The following ELOVL6 variants were observed in gnomAD, a reference collection of about 807,000 sequenced individuals.
ELOVL6 encodes the protein very long chain fatty acid elongase 6.
ELOVL6 carries 8 observed loss-of-function variants against 31.7 expected under a neutral mutation model. That is an observed-to-expected ratio of 0.25 (90% CI 0.15 to 0.45). The LOEUF (loss-of-function observed/expected upper bound fraction) is 0.45. Ranked by LOEUF, ELOVL6 falls within the 20% of genes least tolerant of loss-of-function variation. The pLI is 1.00. For missense variants in ELOVL6, 126 were observed against 326.4 expected, an observed-to-expected ratio of 0.39 and a Z score of 4.73; for synonymous variants, 101 against 117.7, an observed-to-expected ratio of 0.86 and a Z score of 0.92.
At chr4:110,197,384 A>T (rs1759839712) in intron 1 of ELOVL6, among the ~76,000 whole-genome samples, 1 of 152,214 alleles carries the variant, frequency 6.6e-6, no homozygotes, top group African/African-American at 2.4e-5. Flanking sequence ...GACTACAGTA[A>T]ACAAGAAAGG....
chr4:110,098,061 G>T (rs530977335), intron 2 of ELOVL6, among the ~76,000 whole-genome samples: 9 of 152,258 alleles, frequency 5.9e-5, no homozygotes, highest in African/African-American at 2.2e-4. Flanking sequence ...CACAATATCT[G>T]ACCTGCATCG....
intron 2 of ELOVL6, among the ~76,000 whole-genome samples, chr4:110,087,470 A>G (rs1396178103): frequency 6.6e-6 from 1 of 152,194 alleles, no homozygotes; most frequent in Non-Finnish European, 1.5e-5. Flanking sequence ...CTACTACAAG[A>G]CTAGAGTCAT....
chr4:110,067,049 T>C (rs1755326299), intron 2 of ELOVL6, among the ~76,000 whole-genome samples: 1 of 152,160 alleles, frequency 6.6e-6, no homozygotes, highest in African/African-American at 2.4e-5. Flanking sequence ...TAGCTAAAAA[T>C]GTATTTTTCA....
chr4:110,135,325 A>T (rs765824545), intron 1 of ELOVL6, among the ~76,000 whole-genome samples: 1 of 152,312 alleles, frequency 6.6e-6, no homozygotes, highest in Admixed American at 6.5e-5. Flanking sequence ...CCATTTGCAG[A>T]TAAAGAAATG....
At chr4:110,074,709 T>C (rs1755582341) in intron 2 of ELOVL6, among the ~76,000 whole-genome samples, 1 of 152,128 alleles carries the variant, frequency 6.6e-6, no homozygotes, top group Admixed American at 6.5e-5. Flanking sequence ...GGGAGTACAG[T>C]GTGCTGTTTT....
intron 1 of ELOVL6, among the ~76,000 whole-genome samples, chr4:110,119,732 T>C (rs1757286945): frequency 6.6e-6 from 1 of 152,174 alleles, no homozygotes; most frequent in African/African-American, 2.4e-5. Flanking sequence ...AAAGACCTTT[T>C]GGGGAAAATC....
At chr4:110,176,208 G>A (rs1020018698) in intron 1 of ELOVL6, among the ~76,000 whole-genome samples, 2 of 151,548 alleles carry the variant, frequency 1.3e-5, no homozygotes, top group Admixed American at 6.6e-5. Flanking sequence ...TGTTGCTCAC[G>A]CTGGAATGCA....
intron 2 of ELOVL6, among the ~76,000 whole-genome samples, chr4:110,073,940 TCTC>T (rs1291289521): frequency 6.6e-6 from 1 of 152,204 alleles, no homozygotes; most frequent in African/African-American, 2.4e-5. Flanking sequence ...TACAGATTTG[TCTC>T]CTCCTTCTCT....
intron 1 of ELOVL6, among the ~76,000 whole-genome samples, chr4:110,159,307 T>C (rs1489364825): frequency 6.6e-6 from 1 of 152,200 alleles, no homozygotes; most frequent in East Asian, 1.9e-4. Flanking sequence ...GGATTTATAG[T>C]ACAAGAGAAC....
chr4:110,116,012 C>T (rs1284797306), intron 1 of ELOVL6, among the ~76,000 whole-genome samples: 1 of 152,122 alleles, frequency 6.6e-6, no homozygotes, highest in African/African-American at 2.4e-5. Context: ...ACTCTGATCC[C>T]CCCAACTCCC....
intron 1 of ELOVL6, among the ~76,000 whole-genome samples, chr4:110,190,503 TTTTTG>T (rs944041735): frequency 7.9e-5 from 12 of 152,252 alleles, no homozygotes; most frequent in Admixed American, 2.0e-4. Flanking sequence ...GGCAATACTT[TTTTTG>T]TTTTGTTTTG....
intron 2 of ELOVL6, among the ~76,000 whole-genome samples, chr4:110,062,310 G>A (rs1755164417): frequency 6.6e-6 from 1 of 152,142 alleles, no homozygotes; most frequent in Admixed American, 6.6e-5. Flanking sequence ...TGAACAATAA[G>A]GCTAACTCAG....
At chr4:110,083,162 A>G (rs1755931962) in intron 2 of ELOVL6, among the ~76,000 whole-genome samples, 2 of 151,820 alleles carry the variant, frequency 1.3e-5, no homozygotes, top group African/African-American at 4.9e-5. Context: ...AATTTTCACA[A>G]AACCCATATT....
At chr4:110,178,558 A>G (rs574009227) in intron 1 of ELOVL6, among the ~76,000 whole-genome samples, 1 of 152,154 alleles carries the variant, frequency 6.6e-6, no homozygotes, top group South Asian at 2.1e-4. Context: ...CCATCTAAAA[A>G]AAAAAAAAGG....
At chr4:110,098,434 T>C (rs1756652007) in intron 2 of ELOVL6, among the ~76,000 whole-genome samples, 1 of 152,192 alleles carries the variant, frequency 6.6e-6, no homozygotes, top group Non-Finnish European at 1.5e-5. Flanking sequence ...TTTATAGCCA[T>C]ACTTTTTATC....
In ELOVL6 at chr4:110,084,566, A is replaced by ATT. The variant is rs1756173431; in HGVS notation, c.221+20930_221+20931insAA. ...CACACACACACACACACACACAGAT[A>ATT]TATATATATATATATATATATATTT... On this transcript the variant is annotated intron_variant, in intron 2 of 3. Coordinates refer to ENST00000302274, the MANE Select transcript of ELOVL6 (RefSeq NM_024090.3). 9.2e-4 allele frequency among the ~76,000 whole-genome samples: 34 copies of ATT among 37,106 alleles called. 1 individual carries two copies. The highest frequency in any genetic ancestry group is 7.4e-3 in the African/African-American group (32 of 4,320). 24.3% of individuals were successfully genotyped at this position (37,106 alleles called of 152,430 possible).
At chr4:110,127,966 G>C (rs1173932193) in intron 1 of ELOVL6, among the ~76,000 whole-genome samples, 1 of 152,008 alleles carries the variant, frequency 6.6e-6, no homozygotes, top group African/African-American at 2.4e-5. Flanking sequence ...CCAGCACTTT[G>C]GGAGGCCAAG....
At chr4:110,110,277 G>T (rs1158966795) in intron 1 of ELOVL6, among the ~76,000 whole-genome samples, 1 of 151,988 alleles carries the variant, frequency 6.6e-6, no homozygotes, top group African/African-American at 2.4e-5. Flanking sequence ...AGATTTTCTT[G>T]AGAGGGATCC....
At chr4:110,056,129 G>A (rs942360540) in intron 3 of ELOVL6, among the ~76,000 whole-genome samples, 7 of 143,138 alleles carry the variant, frequency 4.9e-5, no homozygotes, top group Non-Finnish European at 9.1e-5. Flanking sequence ...AGCTGGGGGG[G>A]GGGATACAGT....
Sources: gnomAD v4.1 joint callset for allele counts (sites outside exome capture counted in the v4.1 genomes callset) on GRCh38, gnomAD v4.1.1 for gene constraint, MANE v1.5 for transcripts, NCBI Gene and HGNC (gene_info 2026-07-23, HGNC 2026-07-21) for gene names.